Variants in CGNL1 observed in about 807,000 individuals in gnomAD.
The protein encoded by CGNL1 is cingulin like 1, also known as cingulin-like protein 1.
A neutral mutation model predicts 141.2 loss-of-function variants in CGNL1; 132 were observed. The ratio of observed to expected loss-of-function variants is 0.93; its 90% confidence interval spans 0.81 to 1.08. CGNL1 has a LOEUF of 1.08. CGNL1 is among the 50% of genes least tolerant of loss of function. The pLI, the probability that CGNL1 is intolerant of heterozygous loss-of-function variation, is 0.00. For missense variants in CGNL1, 1,870 were observed against 1,588.6 expected (o/e 1.18, Z -3.01); for synonymous variants, 690 against 622.1 (o/e 1.11, Z -1.63).
chr15:57,472,227 A>G (rs11632868), intron 8 of CGNL1, among the ~76,000 whole-genome samples: 44,203 of 151,962 alleles, frequency 0.29, 6,938 homozygotes, highest in Middle Eastern at 0.43. Context: ...AGACTGGTCC[A>G]AGCAGAGGAA....
intron 1 of CGNL1, among the ~76,000 whole-genome samples, chr15:57,393,424 A>G (rs1215869396): frequency 1.3e-5 from 2 of 152,210 alleles, no homozygotes; most frequent in Non-Finnish European, 2.9e-5. Context: ...GTGTTTGAAC[A>G]CCATCCACTT....
chr15:57,439,327 C>A lies in CGNL1; in HGVS notation c.1328C>A (p.Thr443Asn), dbSNP rs142868083. The change falls in exon 2 of 19, where the codon ACC (threonine) becomes AAC (asparagine). Residue 443 changes from threonine (T) to asparagine (N), a missense_variant. Transcript: ENST00000281282. ...CGTGGGAAACAGAGCGTGGGCCGCA[C>A]CTTTGCAAAGCTGCAGGGAGCAGCG... is the stretch of plus-strand genomic sequence containing the variant. ...ERRGKQSVGRTFAKLQGAAHG... is the reference protein window; with the variant it reads ...ERRGKQSVGRNFAKLQGAAHG... 9.3e-6 allele frequency: 15 copies of A among 1,614,002 alleles called. No individual in the cohort carries two copies. Among genetic ancestry groups the A allele is most frequent in the Middle Eastern group, 1.6e-4 (1 of 6,084 alleles).
chr15:57,544,711 C>T, intron 16 of CGNL1, 114 bp downstream of exon 16: 1 of 1,210,108 alleles, frequency 8.3e-7, no homozygotes, highest in Non-Finnish European at 1.1e-6. Context: ...GTGAGGAAGG[C>T]AGAGCAACTA....
chr15:57,429,938 G>A (rs149741438), intron 1 of CGNL1, among the ~76,000 whole-genome samples: 37 of 152,260 alleles, frequency 2.4e-4, no homozygotes, highest in Admixed American at 2.2e-3. Context: ...AGCCGCCTGA[G>A]TAGCTGGGAC....
intron 12 of CGNL1, among the ~76,000 whole-genome samples, chr15:57,525,945 C>G (rs2031584802): frequency 6.6e-6 from 1 of 152,074 alleles, no homozygotes; most frequent in African/African-American, 2.4e-5. Flanking sequence ...ATTCAGGTAT[C>G]TGCCAGAACA....
chr15:57,440,336 A>C, intron 2 of CGNL1, 41 bp from the exon 3 acceptor site: 2 of 1,452,190 alleles, frequency 1.4e-6, no homozygotes, highest in Non-Finnish European at 1.9e-6. Context: ...AGCCTCTGGG[A>C]ACTTCATCCT....
intron 8 of CGNL1, among the ~76,000 whole-genome samples, chr15:57,501,580 A>G (rs2152389114): frequency 6.6e-6 from 1 of 152,306 alleles, no homozygotes; most frequent in South Asian, 2.1e-4. Context: ...GGTGTTGGCC[A>G]TAGAGGGAGA....
At chr15:57,461,223 T>G (rs1406328551) in intron 7 of CGNL1, among the ~76,000 whole-genome samples, 1 of 152,046 alleles carries the variant, frequency 6.6e-6, no homozygotes, top group South Asian at 2.1e-4. Context: ...ACAGGCAAAG[T>G]TGTCCTGAGT....
At chr15:57,521,186 T>G (rs2031231621) in intron 10 of CGNL1, among the ~76,000 whole-genome samples, 1 of 152,130 alleles carries the variant, frequency 6.6e-6, no homozygotes, top group Non-Finnish European at 1.5e-5. Context: ...CTTTTTTTCA[T>G]GTGAATTTGG....
At chr15:57,469,223 A>G (rs1393044540) in intron 8 of CGNL1, among the ~76,000 whole-genome samples, 2 of 151,598 alleles carry the variant, frequency 1.3e-5, no homozygotes, top group Non-Finnish European at 2.9e-5. Context: ...AGGAGGAAGA[A>G]GAGAGACAGC....
At chr15:57,391,616 G>A (rs2062544263) in intron 1 of CGNL1, among the ~76,000 whole-genome samples, 1 of 152,124 alleles carries the variant, frequency 6.6e-6, no homozygotes, top group Non-Finnish European at 1.5e-5. Flanking sequence ...GTTTACATAA[G>A]AATAAAAACA....
chr15:57,386,379 T>A (rs1664460), intron 1 of CGNL1, among the ~76,000 whole-genome samples: 7,204 of 152,294 alleles, frequency 0.047, 312 homozygotes, highest in African/African-American at 0.11. Flanking sequence ...CGTATGTGAA[T>A]GTGCTGTGTG....
At chr15:57,492,014 G>A (rs1333679317) in intron 8 of CGNL1, among the ~76,000 whole-genome samples, 2 of 152,182 alleles carry the variant, frequency 1.3e-5, no homozygotes. Flanking sequence ...TCCTGAATGG[G>A]ATCAAGAGCT....
chr15:57,377,786 A>G (rs1483782390), intron 1 of CGNL1, among the ~76,000 whole-genome samples: 1 of 152,316 alleles, frequency 6.6e-6, no homozygotes, highest in East Asian at 1.9e-4. Context: ...TGTCCTATTC[A>G]GGGAAAACCA....
At position 57,544,574 on chromosome 15, in the gene CGNL1, G is replaced by A. The variant is rs778346512; in HGVS notation, c.3477G>A (p.Glu1159=). The A allele has an allele frequency of 1.3e-6, 2 of 1,590,694 alleles. No homozygotes were observed. The highest frequency in any genetic ancestry group is 8.6e-7 in the Non-Finnish European group (1 of 1,168,350). ...TGGAGGCCAGGATCGCGGAGCTGGA[G>A]GACCGCCTGGAGAGTGAGGAGAGGT... is the stretch of plus-strand genomic sequence containing the variant. The part of the protein sequence containing the change: ...VQMEARIAEL[E]DRLESEERDR... Residue 1159 remains glutamate, a synonymous_variant, in exon 16 of 19, where the codon GAG becomes GAA. Transcript: ENST00000281282.
intron 1 of CGNL1, among the ~76,000 whole-genome samples, chr15:57,424,147 C>A (rs563332315): frequency 6.6e-6 from 1 of 152,364 alleles, no homozygotes; most frequent in Admixed American, 6.5e-5. Context: ...TCCCACTGGG[C>A]TCTGGCCAAG....
intron 11 of CGNL1, 94 bp downstream of exon 11, chr15:57,523,735 C>CAGT: frequency 7.3e-7 from 1 of 1,368,020 alleles, no homozygotes; most frequent in Admixed American, 2.1e-5. Flanking sequence ...GGGAAACCTG[C>CAGT]AGTAGGTCTA....
rs2140257600 is a variant in CGNL1 at position 57,546,121 on chromosome 15, G to C, written c.3655G>C (p.Glu1219Gln). ...CATGAAGCGGCAGGTGGAGGAGGCT[G>C]AGGAGGAAATCGACAGACTGGAAAG... ...KAMKRQVEEAEEEIDRLESSK... is the reference protein window; with the variant it reads ...KAMKRQVEEAQEEIDRLESSK... Residue 1219 changes from glutamate (E) to glutamine (Q), a missense_variant, in exon 18 of 19, where the codon GAG becomes CAG. Physicochemically the swap from Glu to Gln is conservative, Grantham distance 29. Transcript: ENST00000281282. 1 of 1,614,020 alleles carries C rather than the reference G, an allele frequency of 6.2e-7. No individual in the cohort carries two copies. The highest frequency in any genetic ancestry group is 2.2e-5 in the East Asian group (1 of 44,868).
chr15:57,477,264 G>C (rs1223881363), intron 8 of CGNL1, among the ~76,000 whole-genome samples: 1 of 152,204 alleles, frequency 6.6e-6, no homozygotes, highest in Non-Finnish European at 1.5e-5. Context: ...GAGACGTGGT[G>C]CAGGAGGATG....
Sources: gnomAD v4.1 joint callset for allele counts (sites outside exome capture counted in the v4.1 genomes callset) on GRCh38, gnomAD v4.1.1 for gene constraint, MANE v1.5 for transcripts, NCBI Gene and HGNC (gene_info 2026-07-23, HGNC 2026-07-21) for gene names.